Variants in NLGN1 observed in about 807,000 individuals in gnomAD.
NLGN1 encodes the protein neuroligin 1.
Under a neutral mutation model 65.5 loss-of-function variants are expected in NLGN1, and 12 were observed. The observed-to-expected ratio is 0.18, with a 90% CI of 0.12 to 0.30. The LOEUF is 0.30. NLGN1 is among the 10% of genes least tolerant of loss of function. NLGN1 has a pLI of 1.00. For missense variants in NLGN1, 750 were observed against 1,007.1 expected (o/e 0.74, Z 3.46); for synonymous variants, 350 against 359.5 (o/e 0.97, Z 0.30).
intron 4 of NLGN1, among the ~76,000 whole-genome samples, chr3:174,269,381 T>C (rs1209580325): frequency 6.6e-6 from 1 of 151,998 alleles, no homozygotes; most frequent in African/African-American, 2.4e-5. Flanking sequence ...CTAATATCTG[T>C]TTCTATGATT....
chr3:173,761,927 G>A lies in NLGN1; in HGVS notation c.494-45753G>A, dbSNP rs115008425. Among the ~76,000 whole-genome samples, 495 of 152,156 alleles carry A rather than the reference G, an allele frequency of 3.3e-3. 2 individuals are homozygous for A. Among genetic ancestry groups the A allele is most frequent in the African/African-American group, 0.011 (464 of 41,542 alleles). ...TTCAGTTACATTTTGGGAATGAACC[G>A]ACAGAATTCTAGTTCTCAGAGAGAC... is the stretch of plus-strand genomic sequence containing the variant. On this transcript the variant is annotated intron_variant, in intron 3 of 6. Coordinates refer to ENST00000457714, the Ensembl canonical transcript of NLGN1.
At chr3:173,652,303 G>T (rs1759318705) in intron 3 of NLGN1, among the ~76,000 whole-genome samples, 1 of 152,074 alleles carries the variant, frequency 6.6e-6, no homozygotes, top group Non-Finnish European at 1.5e-5. Context: ...TGGTTTTGTT[G>T]CTTGTGCTTT....
chr3:173,894,614 T>G (rs984701643), intron 4 of NLGN1, among the ~76,000 whole-genome samples: 2 of 145,506 alleles, frequency 1.4e-5, no homozygotes, highest in Non-Finnish European at 3.0e-5. Flanking sequence ...AATAAATTTC[T>G]TTTCTTTTTT....
chr3:173,420,960 C>A (rs1714927584), intron 1 of NLGN1, among the ~76,000 whole-genome samples: 1 of 152,090 alleles, frequency 6.6e-6, no homozygotes, highest in Admixed American at 6.6e-5. Context: ...TAATACTTTT[C>A]TAATATCAGG....
intron 4 of NLGN1, among the ~76,000 whole-genome samples, chr3:173,932,012 T>G (rs550433899): frequency 6.6e-6 from 1 of 152,130 alleles, no homozygotes; most frequent in Non-Finnish European, 1.5e-5. Context: ...GTTTTAATTT[T>G]TTTTCTGTTT....
chr3:173,604,578 C>A, exon 3 of NLGN1: 1 of 1,610,466 alleles, frequency 6.2e-7, no homozygotes. Flanking sequence ...AACCAGACAA[C>A]TAGACAACTA....
intron 4 of NLGN1, among the ~76,000 whole-genome samples, chr3:174,003,010 T>C (rs2152429744): frequency 6.6e-6 from 1 of 152,052 alleles, no homozygotes; most frequent in South Asian, 2.1e-4. Flanking sequence ...CAGAAAAGAG[T>C]TGAGAATCAT....
At chr3:174,040,576 C>T (rs1206178975) in intron 4 of NLGN1, among the ~76,000 whole-genome samples, 2 of 151,850 alleles carry the variant, frequency 1.3e-5, no homozygotes, top group African/African-American at 2.4e-5. Flanking sequence ...TTAGAGGACA[C>T]TACTGAGAAA....
intron 4 of NLGN1, among the ~76,000 whole-genome samples, chr3:173,994,491 A>AGAGAGAG (rs1553910108): frequency 2.5e-5 from 2 of 81,206 alleles, no homozygotes; most frequent in Non-Finnish European, 4.4e-5. Context: ...AAAAAAAAAA[A>AGAGAGAG]AGAGAGAGAG....
chr3:174,185,170 G>A (rs1731166485), intron 4 of NLGN1, among the ~76,000 whole-genome samples: 2 of 152,000 alleles, frequency 1.3e-5, no homozygotes, highest in South Asian at 4.1e-4. Context: ...TATTGTCTCT[G>A]TGAAGCCTTT....
chr3:173,963,473 G>A (rs564203744), intron 4 of NLGN1, among the ~76,000 whole-genome samples: 1 of 152,134 alleles, frequency 6.6e-6, no homozygotes, highest in South Asian at 2.1e-4. Flanking sequence ...TTCTATGTAC[G>A]GATCTGGAAT....
chr3:173,494,196 T>C lies in NLGN1; in HGVS notation c.-321+59118T>C, dbSNP rs1729653094. Among the ~76,000 whole-genome samples the C allele has an allele frequency of 2.0e-5, 3 of 151,068 alleles. No individual in the cohort carries two copies. The South Asian group carries it at 6.2e-4, about 31-fold the overall frequency. Reference sequence around the variant, plus strand: ...GTGGTGGTGGTGTTTGGTTCTGTTGTTGGTATTGTTCTGTTTAGTTTTAGC... The same window carrying C: ...GTGGTGGTGGTGTTTGGTTCTGTTGCTGGTATTGTTCTGTTTAGTTTTAGC... On this transcript the variant is annotated intron_variant, in intron 2 of 6. Transcript: ENST00000457714.
chr3:174,177,927 A>G (rs1002525328), intron 4 of NLGN1, among the ~76,000 whole-genome samples: 7 of 152,110 alleles, frequency 4.6e-5, no homozygotes, highest in Admixed American at 2.0e-4. Context: ...ATGGGAAGGC[A>G]GAAGAGTGAA....
intron 4 of NLGN1, among the ~76,000 whole-genome samples, chr3:173,860,656 G>A (rs754185952): frequency 2.0e-5 from 3 of 152,268 alleles, no homozygotes; most frequent in Non-Finnish European, 2.9e-5. Context: ...TGAGTCATTA[G>A]GGAATCCAGC....
intron 2 of NLGN1, among the ~76,000 whole-genome samples, chr3:173,456,737 A>G (rs1560281321): frequency 6.6e-6 from 1 of 152,162 alleles, no homozygotes; most frequent in Non-Finnish European, 1.5e-5. Flanking sequence ...GTAAGCATGA[A>G]GAGACACAGG....
rs922372986 is a variant in NLGN1 at position 173,782,689 on chromosome 3, A to G, written c.494-24991A>G. Among the ~76,000 whole-genome samples the G allele has an allele frequency of 6.4e-5, 5 of 78,310 alleles. No homozygotes were observed. In the South Asian group the frequency reaches 1.2e-3, roughly 19 times the overall value. 51.4% of individuals were successfully genotyped at this position (78,310 alleles called of 152,430 possible). A position where few individuals can be genotyped will look rare whatever the true frequency, so the allele number is the denominator to read the frequency against. ...AAATTTTATTGTGTACTCAAAGCTTACCTTTTTTTTTTTTTCTTTTTGCAT... is the reference window on the plus strand; with the variant it reads ...AAATTTTATTGTGTACTCAAAGCTTGCCTTTTTTTTTTTTTCTTTTTGCAT... On this transcript the variant is annotated intron_variant, in intron 3 of 6. Transcript: ENST00000457714.
chr3:173,716,561 T>G (rs1234416183), intron 3 of NLGN1, among the ~76,000 whole-genome samples: 1 of 152,150 alleles, frequency 6.6e-6, no homozygotes, highest in Non-Finnish European at 1.5e-5. Context: ...CATTCAGGTT[T>G]ATCCTGAGGG....
chr3:173,477,754 G>A (rs574285367), intron 2 of NLGN1, among the ~76,000 whole-genome samples: 266 of 152,198 alleles, frequency 1.7e-3, no homozygotes, highest in African/African-American at 6.3e-3. Context: ...TTTCATGTTT[G>A]TTGGCTGCAT....
intron 3 of NLGN1, among the ~76,000 whole-genome samples, chr3:173,737,953 A>G (rs187990215): frequency 3.9e-5 from 6 of 152,050 alleles, no homozygotes; most frequent in African/African-American, 1.4e-4. Context: ...CACTTAATGA[A>G]TGTGAAATCA....
Sources: allele counts gnomAD v4.1 joint callset (sites outside exome capture counted in the v4.1 genomes callset), GRCh38; gene constraint gnomAD v4.1.1; transcripts MANE v1.5; gene names NCBI Gene and HGNC (gene_info 2026-07-23, HGNC 2026-07-21).